Variants in CTNND2 observed in about 807,000 individuals in gnomAD.
CTNND2 encodes catenin delta-2.
A neutral mutation model predicts 144.4 loss-of-function variants in CTNND2; 22 were observed. The ratio of observed to expected loss-of-function variants is 0.15; its 90% CI spans 0.11 to 0.22. The LOEUF is 0.22. Among genes scored for constraint, CTNND2 ranks in the 10% least tolerant of loss-of-function variants. The pLI is 1.00. For synonymous variants in CTNND2, 751 were observed against 695.6 expected (o/e 1.08, Z -1.25); for missense variants, 1,353 against 1,618.8 (o/e 0.84, Z 2.82).
chr5:11,118,285 T>C (rs1580335602), intron 12 of CTNND2, among the ~76,000 whole-genome samples: 1 of 152,188 alleles, frequency 6.6e-6, no homozygotes, highest in Admixed American at 6.5e-5. Flanking sequence ...CCTGAGCATA[T>C]GTTGTTCTTC....
chr5:11,510,650 A>T (rs564109662), intron 3 of CTNND2, among the ~76,000 whole-genome samples: 27 of 152,322 alleles, frequency 1.8e-4, no homozygotes, highest in Middle Eastern at 3.4e-3. Flanking sequence ...ATGCATTTGA[A>T]TCGGGCACAA....
At chr5:11,567,906 T>C (rs969522603) in intron 2 of CTNND2, among the ~76,000 whole-genome samples, 1 of 152,254 alleles carries the variant, frequency 6.6e-6, no homozygotes, top group Non-Finnish European at 1.5e-5. Context: ...GATAGGTTTG[T>C]ATTCCTATAA....
At chr5:11,409,084 G>C (rs187116469) in intron 5 of CTNND2, among the ~76,000 whole-genome samples, 21 of 151,932 alleles carry the variant, frequency 1.4e-4, no homozygotes, top group African/African-American at 4.8e-4. Flanking sequence ...CTCTGAATGT[G>C]TTTTTTCCCC....
chr5:11,545,237 G>A (rs1399943130), intron 3 of CTNND2, among the ~76,000 whole-genome samples: 2 of 151,598 alleles, frequency 1.3e-5, no homozygotes, highest in African/African-American at 2.4e-5. Flanking sequence ...AAGGAGAATC[G>A]CTTGAACCTG....
At chr5:11,811,762 G>A (rs1328681372) in intron 1 of CTNND2, among the ~76,000 whole-genome samples, 7 of 152,170 alleles carry the variant, frequency 4.6e-5, no homozygotes, top group South Asian at 2.1e-4. Context: ...GAATTCTACC[G>A]TTGCTTTATA....
At position 11,471,419 on chromosome 5, in the gene CTNND2, GTTTCT is replaced by G. The variant is rs1449462587; in HGVS notation, c.288-59355_288-59351del. Among the ~76,000 whole-genome samples the G allele has an allele frequency of 5.3e-5, 8 of 152,196 alleles. No individual in the cohort carries two copies. The South Asian group carries it at 1.0e-3, about 20-fold the overall frequency. Reference sequence around the variant, plus strand: ...CTGAATTAAAAAAGTTTCTTCGATTGTTTCTTTAACAAAGAGAATCAAGGACTGAT... The same window carrying G: ...CTGAATTAAAAAAGTTTCTTCGATTGTTAACAAAGAGAATCAAGGACTGAT... On this transcript the variant is annotated intron_variant, in intron 3 of 21. Coordinates refer to ENST00000304623, the MANE Select transcript of CTNND2 (RefSeq NM_001332.4).
At chr5:11,585,805 G>A (rs980115627) in intron 2 of CTNND2, among the ~76,000 whole-genome samples, 4 of 152,184 alleles carry the variant, frequency 2.6e-5, no homozygotes, top group African/African-American at 9.7e-5. Context: ...AGATGGGGAA[G>A]AATGAGGAGG....
chr5:11,813,899 A>G (rs1166039225), intron 1 of CTNND2, among the ~76,000 whole-genome samples: 1 of 152,178 alleles, frequency 6.6e-6, no homozygotes. Flanking sequence ...GCTTTACCAC[A>G]CGGCTACTGA....
chr5:11,864,456 A>G (rs369638946), intron 1 of CTNND2, among the ~76,000 whole-genome samples: 1 of 152,306 alleles, frequency 6.6e-6, no homozygotes. Flanking sequence ...AAAGGGAGTT[A>G]AAATTGTATC....
intron 2 of CTNND2, among the ~76,000 whole-genome samples, chr5:11,613,958 A>G (rs1262458089): frequency 6.6e-6 from 1 of 152,160 alleles, no homozygotes; most frequent in African/African-American, 2.4e-5. Flanking sequence ...TTTCATCTAT[A>G]ATGACATGAC....
chr5:11,086,271 G>C (rs1750133450), intron 15 of CTNND2, among the ~76,000 whole-genome samples: 1 of 152,102 alleles, frequency 6.6e-6, no homozygotes, highest in Non-Finnish European at 1.5e-5. Context: ...CCCTGGACCG[G>C]AGATGGTCCA....
At chr5:11,749,125 C>G (rs1057386987) in intron 1 of CTNND2, among the ~76,000 whole-genome samples, 4 of 152,132 alleles carry the variant, frequency 2.6e-5, no homozygotes, top group Middle Eastern at 3.4e-3. Context: ...GACATTTAGA[C>G]AGCAGATCTT....
chr5:11,242,943 T>C (rs1055437812), intron 9 of CTNND2, among the ~76,000 whole-genome samples: 24 of 152,190 alleles, frequency 1.6e-4, no homozygotes, highest in African/African-American at 5.5e-4. Flanking sequence ...AATAAAATAA[T>C]ATATATGAAA....
chr5:11,727,254 A>G (rs762593475), intron 2 of CTNND2, among the ~76,000 whole-genome samples: 4 of 151,898 alleles, frequency 2.6e-5, no homozygotes, highest in Admixed American at 6.6e-5. Context: ...TTACATACAC[A>G]CTCATTTTCT....
intron 6 of CTNND2, among the ~76,000 whole-genome samples, chr5:11,395,258 A>G (rs1329159413): frequency 6.6e-6 from 1 of 152,218 alleles, no homozygotes; most frequent in Admixed American, 6.5e-5. Flanking sequence ...AGAATATTCA[A>G]TAAGCATCCC....
intron 2 of CTNND2, among the ~76,000 whole-genome samples, chr5:11,661,979 G>A (rs1280211693): frequency 6.7e-6 from 1 of 150,354 alleles, no homozygotes; most frequent in African/African-American, 2.5e-5. Context: ...TAGGATACAT[G>A]TATATATACA....
chr5:11,548,411 A>G (rs1376224041), intron 3 of CTNND2, among the ~76,000 whole-genome samples: 1 of 152,358 alleles, frequency 6.6e-6, no homozygotes, highest in African/African-American at 2.4e-5. Context: ...GCAATAGTAC[A>G]TATCATAGAT....
At chr5:11,643,433 T>G (rs1782174325) in intron 2 of CTNND2, among the ~76,000 whole-genome samples, 1 of 138,064 alleles carries the variant, frequency 7.2e-6, no homozygotes, top group Non-Finnish European at 1.5e-5. Context: ...TCCCTTCCTG[T>G]GTCCACGTGT....
At chr5:11,675,135 G>A (rs1358544081) in intron 2 of CTNND2, among the ~76,000 whole-genome samples, 3 of 151,902 alleles carry the variant, frequency 2.0e-5, no homozygotes, top group Non-Finnish European at 4.4e-5. Context: ...TGAAACGGAC[G>A]GAACTGAAGA....
Sources: gnomAD v4.1 joint callset for allele counts (sites outside exome capture counted in the v4.1 genomes callset) on GRCh38, gnomAD v4.1.1 for gene constraint, MANE v1.5 for transcripts, NCBI Gene and HGNC (gene_info 2026-07-23, HGNC 2026-07-21) for gene names.